RND2: variants seen among roughly 807,000 people sequenced by gnomAD.
RND2 encodes the protein Rho family GTPase 2, also known as rho-related GTP-binding protein RhoN.
In RND2, 16 loss-of-function variants were observed where a neutral mutation model predicts 25.9. That is an observed-to-expected ratio of 0.62 (90% confidence interval 0.42 to 0.94). The LOEUF (loss-of-function observed/expected upper bound fraction) is 0.94, where lower values mean the gene tolerates loss of function less well. Ranked by LOEUF, RND2 falls within the 40% of genes least tolerant of loss-of-function variation. RND2 has a pLI of 0.00. For synonymous variants in RND2, 97 were observed against 118.1 expected (o/e 0.82, Z 1.16); for missense variants, 276 against 305.5 (o/e 0.90, Z 0.72).
intron 2 of RND2, chr17:43,026,333 C>T (rs560653435): frequency 2.7e-4 from 108 of 401,376 alleles, no homozygotes; most frequent in African/African-American, 2.0e-3. Flanking sequence ...CATGTTCCTT[C>T]AGAGATAAGA....
chr17:43,025,530 G>T, intron 1 of RND2, 81 bp downstream of exon 1: 1 of 1,494,804 alleles, frequency 6.7e-7, no homozygotes. Flanking sequence ...GGATGGGAAT[G>T]GGTACTCGGG....
Position 43,025,292 on chromosome 17 carries a change from G to C in RND2, c.-56G>C. The C allele has an allele frequency of 7.0e-7, 1 of 1,427,156 alleles. No individual in the cohort carries two copies. The highest frequency in any genetic ancestry group is 9.3e-7 in the Non-Finnish European group (1 of 1,078,290). The allele number at this position is 1,427,156 out of a possible 1,614,324, so 88.4% of individuals were successfully genotyped here. A position where few individuals can be genotyped will look rare whatever the true frequency, so the allele number is the denominator to read the frequency against. ...GGCTGCAGTTGCAGGGGCGGGGGAG[G>C]CGGCGGCGGGGCCCGGGAGAGGGGT... is the stretch of plus-strand genomic sequence containing the variant. On this transcript the variant is annotated 5_prime_UTR_variant, in exon 1 of 5. Transcript: ENST00000587250.
chr17:43,028,333 C>T (rs2050641173), intron 4 of RND2, 99 bp from the exon 5 acceptor site: 2 of 1,581,782 alleles, frequency 1.3e-6, no homozygotes, highest in Non-Finnish European at 1.7e-6. Flanking sequence ...TGACTGCCCC[C>T]AGCCTTGACA....
chr17:43,025,435 G>T lies in RND2; in HGVS notation c.88G>T (p.Asp30Tyr), dbSNP rs1211784996. Residue 30 changes from aspartate to tyrosine, a missense_variant, in exon 1 of 5, where the codon GAC becomes TAC. Coordinates refer to ENST00000587250, the MANE Select transcript of RND2 (RefSeq NM_005440.5). Reference protein sequence around the residue: ...KTALLQVFAKDAYPGSYVPTV... With the variant: ...KTALLQVFAKYAYPGSYVPTV... ...GGCGCTGCTGCAGGTGTTCGCCAAG[G>T]ACGCCTATCCCGGGGTGAGGGACCT... 1.3e-6 allele frequency: 2 copies of T among 1,549,722 alleles called. No individual in the cohort carries two copies. The highest frequency in any genetic ancestry group is 2.7e-5 in the African/African-American group (2 of 73,250).
rs2050620227 is a variant in RND2 at position 43,025,998 on chromosome 17, C to T, written c.141C>T (p.Ser47=). 1 of 1,613,048 alleles carries T rather than the reference C, an allele frequency of 6.2e-7. No homozygotes were observed. Among genetic ancestry groups the T allele is most frequent in the Non-Finnish European group, 8.5e-7 (1 of 1,179,202 alleles). Residue 47 remains serine (S), a synonymous_variant, in exon 2 of 5, where the codon AGC becomes AGT. Transcript: ENST00000587250. Reference sequence around the variant, plus strand: ...CCGTGTTTGAGAACTACACTGCGAGCTTTGAGATCGACAAGCGCCGCATTG... The same window carrying T: ...CCGTGTTTGAGAACTACACTGCGAGTTTTGAGATCGACAAGCGCCGCATTG... ...VPTVFENYTA[S]FEIDKRRIEL... is the part of the protein sequence containing the mutation.
At chr17:43,028,370 C>A in intron 4 of RND2, 62 bp from the exon 5 acceptor site, 3 of 1,596,394 alleles carry the variant, frequency 1.9e-6, no homozygotes, top group South Asian at 2.2e-5. Context: ...AGCCTCCATG[C>A]CCCTTTCTAA....
chr17:43,028,912 A>T lies in RND2; in HGVS notation c.*232A>T. On this transcript the variant is annotated 3_prime_UTR_variant, in exon 5 of 5. Coordinates refer to ENST00000587250, the MANE Select transcript of RND2 (RefSeq NM_005440.5). ...AGCTAACAGGGCTGGCATCTGGGGC[A>T]TGAACTGGGATGGGGCAGGTGGGCG... The T allele has an allele frequency of 1.7e-6, 1 of 601,510 alleles. No homozygotes were observed. The highest frequency in any genetic ancestry group is 2.8e-6 in the Non-Finnish European group (1 of 354,312). 37.3% of individuals were successfully genotyped at this position (601,510 alleles called of 1,614,324 possible).
chr17:43,028,343 A>G, intron 4 of RND2, 89 bp from the exon 5 acceptor site: 1 of 1,584,542 alleles, frequency 6.3e-7, no homozygotes, highest in Non-Finnish European at 8.6e-7. Context: ...CAGCCTTGAC[A>G]TTCAACCCCA....
rs952008006 is a variant in RND2, at chr17:43,032,001, C to T, written c.*3321C>T. 4.7e-5 allele frequency: 7 copies of T among 149,676 alleles called. No homozygotes were observed. Among genetic ancestry groups the T allele is most frequent in the South Asian group, 2.1e-4 (1 of 4,740 alleles). The allele number at this position is 149,676 out of a possible 1,614,324, so 9.3% of individuals were successfully genotyped here. On this transcript the variant is annotated 3_prime_UTR_variant, in exon 5 of 5. Transcript: ENST00000587250. ...ATTGGTTTGGGAAACAATGTAGCCTCGTTAAACATTTAATGAAATAAACAA... is the reference window on the plus strand; with the variant it reads ...ATTGGTTTGGGAAACAATGTAGCCTTGTTAAACATTTAATGAAATAAACAA...
rs2050663608 is a variant in RND2, at chr17:43,030,435, G to A, written c.*1755G>A. 6.6e-6 allele frequency: 1 copy of A among 152,656 alleles called. No individual in the cohort carries two copies. The highest frequency in any genetic ancestry group is 2.1e-4 in the South Asian group (1 of 4,834). The allele number at this position is 152,656 out of a possible 1,614,324, so 9.5% of individuals were successfully genotyped here. A position where few individuals can be genotyped will look rare whatever the true frequency, so the allele number is the denominator to read the frequency against. On this transcript the variant is annotated 3_prime_UTR_variant, in exon 5 of 5. Transcript: ENST00000587250. ...AGTATGTACTGAACACCAACTGTGT[G>A]GCATACACTGGCTTGGGAGATTGCA...
chr17:43,027,011 C>T (rs1248445810), intron 2 of RND2, among the ~76,000 whole-genome samples, 172 bp from the exon 3 acceptor site: 1 of 152,154 alleles, frequency 6.6e-6, no homozygotes, highest in African/African-American at 2.4e-5. Flanking sequence ...CCCTTCTGCC[C>T]GCTCCCCCAC....
Position 43,028,850 on chromosome 17 carries a change from C to T in RND2, c.*170C>T. The T allele has an allele frequency of 1.1e-6, 1 of 884,936 alleles. No individual in the cohort carries two copies. Among genetic ancestry groups the T allele is most frequent in the Non-Finnish European group, 1.7e-6 (1 of 596,682 alleles). The allele number at this position is 884,936 out of a possible 1,614,324, so 54.8% of individuals were successfully genotyped here. On this transcript the variant is annotated 3_prime_UTR_variant, in exon 5 of 5. Transcript: ENST00000587250. ...GCAGAAGGGTATCATCGTTTCTCAT[C>T]TCCTCCTCCCTCCTCTTCTCCAGTG...
In RND2 at chr17:43,031,977, T is replaced by C. The variant is rs1485986316; in HGVS notation, c.*3297T>C. 6.6e-6 allele frequency: 1 copy of C among 151,804 alleles called. No homozygotes were observed. Among genetic ancestry groups the C allele is most frequent in the Non-Finnish European group, 1.5e-5 (1 of 67,986 alleles). 9.4% of individuals were successfully genotyped at this position (151,804 alleles called of 1,614,324 possible). A position where few individuals can be genotyped will look rare whatever the true frequency, so the allele number is the denominator to read the frequency against. On this transcript the variant is annotated 3_prime_UTR_variant, in exon 5 of 5. Coordinates refer to ENST00000587250, the MANE Select transcript of RND2 (RefSeq NM_005440.5). ...CGCTGTTTCCTTCACAAATTAGACA[T>C]TGGTTTGGGAAACAATGTAGCCTCG... is the stretch of plus-strand genomic sequence containing the variant.
Position 43,029,510 on chromosome 17 carries a change from C to G in RND2, c.*830C>G, listed in dbSNP as rs1197248820. 6.6e-6 allele frequency: 1 copy of G among 152,234 alleles called. No homozygotes were observed. The highest frequency in any genetic ancestry group is 1.9e-4 in the East Asian group (1 of 5,188). The allele number at this position is 152,234 out of a possible 1,614,324, so 9.4% of individuals were successfully genotyped here. A position where few individuals can be genotyped will look rare whatever the true frequency, so the allele number is the denominator to read the frequency against. ...ATATAATTAGTCAGCATTTCTCAGC[C>G]CAGCCAGGCCTGCTGCTAGTGTGGG... On this transcript the variant is annotated 3_prime_UTR_variant, in exon 5 of 5. Transcript: ENST00000587250.
In RND2 at chr17:43,028,484, C is replaced by T. The variant is rs1445747363; in HGVS notation, c.488C>T (p.Ser163Phe). 2 of 1,614,124 alleles carry T rather than the reference C, an allele frequency of 1.2e-6. No individual in the cohort carries two copies. The highest frequency in any genetic ancestry group is 1.7e-6 in the Non-Finnish European group (2 of 1,180,056). The stretch of plus-strand genomic sequence containing the variant: ...GCTGTGTCCTATGTTGAGTGCTCCT[C>T]CCGGTCCTCTGAGCGCAGCGTCAGG... ...VGAVSYVECSSRSSERSVRDV... is the reference protein window; with the variant it reads ...VGAVSYVECSFRSSERSVRDV... Residue 163 changes from serine to phenylalanine, a missense_variant, in exon 5 of 5, where the codon TCC becomes TTC. Transcript: ENST00000587250.
chr17:43,028,677 G>T lies in RND2; in HGVS notation c.681G>T (p.Met227Ile). Residue 227 changes from methionine (M) to isoleucine (I), a missense_variant, in exon 5 of 5, where the codon ATG (methionine) becomes ATT (isoleucine). Transcript: ENST00000587250. ...ATCGAGCCAAAAGCTGCAACCTCAT[G>T]TGAGGGGCTAGGAGAGGGCAGAGTG... ...HKDRAKSCNL[M>I] 1 of 1,569,332 alleles carries T rather than the reference G, an allele frequency of 6.4e-7. No homozygotes were observed. The highest frequency in any genetic ancestry group is 8.6e-7 in the Non-Finnish European group (1 of 1,157,122).
At position 43,031,813 on chromosome 17, in the gene RND2, G is replaced by GC. The variant is rs1347381435; in HGVS notation, c.*3134dup. 6.6e-6 allele frequency: 1 copy of GC among 152,150 alleles called. No individual in the cohort carries two copies. The highest frequency in any genetic ancestry group is 2.4e-5 in the African/African-American group (1 of 41,392). 9.4% of individuals were successfully genotyped at this position (152,150 alleles called of 1,614,324 possible). A position where few individuals can be genotyped will look rare whatever the true frequency, so the allele number is the denominator to read the frequency against. On this transcript the variant is annotated 3_prime_UTR_variant, in exon 5 of 5. Coordinates refer to ENST00000587250, the MANE Select transcript of RND2 (RefSeq NM_005440.5). Reference sequence around the variant, plus strand: ...AGACGTTTTATTTCTGGGGAGGAGGGCTCTGGGCTGAGGAGCTCAGTGGGT... The same window carrying GC: ...AGACGTTTTATTTCTGGGGAGGAGGGCCTCTGGGCTGAGGAGCTCAGTGGGT...
In RND2 at chr17:43,028,758, ACCT is replaced by A. The variant is rs1253314430; in HGVS notation, c.*82_*84del. 4.0e-6 allele frequency: 6 copies of A among 1,481,982 alleles called. No homozygotes were observed. Among genetic ancestry groups the A allele is most frequent in the Non-Finnish European group, 5.4e-6 (6 of 1,113,254 alleles). The allele number at this position is 1,481,982 out of a possible 1,614,324, so 91.8% of individuals were successfully genotyped here. On this transcript the variant is annotated 3_prime_UTR_variant, in exon 5 of 5. Transcript: ENST00000587250. ...CCCCTGCCTGCGCCCAGGCTTCCTG[ACCT>A]CCTGATCCTGGCTGGGAAGTTAGGG...
chr17:43,025,910 G>C, intron 1 of RND2, 50 bp from the exon 2 acceptor site: 1 of 1,411,140 alleles, frequency 7.1e-7, no homozygotes, highest in South Asian at 1.2e-5. Flanking sequence ...CATTTATCTG[G>C]GGTGAGGACT....
Sources: allele counts gnomAD v4.1 joint callset (sites outside exome capture counted in the v4.1 genomes callset), GRCh38; gene constraint gnomAD v4.1.1; transcripts MANE v1.5; gene names NCBI Gene and HGNC (gene_info 2026-07-23, HGNC 2026-07-21).